Variants in CACNA1C observed in about 807,000 individuals in gnomAD.
CACNA1C encodes calcium voltage-gated channel subunit alpha1 C, also known as voltage-dependent L-type calcium channel subunit alpha-1C.
In CACNA1C, 30 loss-of-function variants were observed where a neutral mutation model predicts 229.0. That is an observed-to-expected ratio of 0.13 (90% CI 0.10 to 0.18). CACNA1C has a LOEUF of 0.18. CACNA1C is among the 10% of genes least tolerant of loss of function. The pLI is 1.00. For synonymous variants in CACNA1C, 1,114 were observed against 1,132.5 expected (o/e 0.98, Z 0.33); for missense variants, 1,658 against 2,845.0 (o/e 0.58, Z 9.49).
At chr12:2,278,428 C>A (rs777593134) in intron 3 of CACNA1C, among the ~76,000 whole-genome samples, 1 of 152,178 alleles carries the variant, frequency 6.6e-6, no homozygotes, top group Non-Finnish European at 1.5e-5. Flanking sequence ...TCCTCCCCAC[C>A]CCTGCTATCT....
At chr12:2,424,477 G>T (rs2099009669) in intron 3 of CACNA1C, among the ~76,000 whole-genome samples, 1 of 152,058 alleles carries the variant, frequency 6.6e-6, no homozygotes. Context: ...TTGGATGTTT[G>T]GTGTCTTGGC....
intron 3 of CACNA1C, among the ~76,000 whole-genome samples, chr12:2,338,596 C>G (rs1266126096): frequency 6.6e-6 from 1 of 150,856 alleles, no homozygotes; most frequent in Non-Finnish European, 1.5e-5. Flanking sequence ...AGATGCCATT[C>G]TTTTGCTCCC....
At chr12:2,357,832 A>C (rs990705264) in intron 3 of CACNA1C, among the ~76,000 whole-genome samples, 3 of 152,010 alleles carry the variant, frequency 2.0e-5, no homozygotes, top group Non-Finnish European at 4.4e-5. Flanking sequence ...TTAGCCAGGC[A>C]TGGTGGAGGG....
chr12:2,181,556 GTTTTA>G lies in CACNA1C; in HGVS notation c.477+61134_477+61138del, dbSNP rs2096841300. On this transcript the variant is annotated intron_variant, in intron 3 of 46. Coordinates refer to ENST00000399655, the MANE Select transcript of CACNA1C (RefSeq NM_000719.7). The surrounding 1 kb of genome is among the most constrained non-coding windows in gnomAD (Gnocchi z 4.0). Reference sequence around the variant, plus strand: ...CATGCCCATGAAAACAAATCCAGGTGTTTTATTTTATTCTTGTTGCCATCAGAACT... The same window carrying G: ...CATGCCCATGAAAACAAATCCAGGTGTTTTATTCTTGTTGCCATCAGAACT... Among the ~76,000 whole-genome samples, 3 of 152,274 alleles carry G rather than the reference GTTTTA, an allele frequency of 2.0e-5. No individual in the cohort carries two copies. The South Asian group carries it at 6.2e-4, about 32-fold the overall frequency.
intron 3 of CACNA1C, among the ~76,000 whole-genome samples, chr12:2,121,653 C>T (rs527677037): frequency 2.6e-5 from 4 of 152,288 alleles, no homozygotes; most frequent in East Asian, 3.9e-4. Flanking sequence ...GGCCGCCGTC[C>T]GTGAGGCCAT....
chr12:2,553,050 A>G (rs1006090701), intron 10 of CACNA1C, among the ~76,000 whole-genome samples: 12 of 152,294 alleles, frequency 7.9e-5, no homozygotes, highest in African/African-American at 2.4e-4. Context: ...GAACTTGCTC[A>G]GGAAGGAGGA....
intron 3 of CACNA1C, among the ~76,000 whole-genome samples, chr12:2,145,514 C>T (rs774804855): frequency 4.6e-5 from 7 of 151,344 alleles, no homozygotes; most frequent in Admixed American, 1.3e-4. Flanking sequence ...AGCTTCAACA[C>T]GCCTCTCATT....
At position 2,688,511 on chromosome 12, in the gene CACNA1C, G is replaced by A. The variant is rs773787202; in HGVS notation, c.5849G>A (p.Arg1950Lys). ...AGCCATTCCCCTGCCTCATTCCCTA[G>A]GCCTTTTGCCACCCCACCAGCCACA... is the stretch of plus-strand genomic sequence containing the variant. ...QRSHSPASFPRPFATPPATPG... is the reference protein window; with the variant it reads ...QRSHSPASFPKPFATPPATPG... Residue 1950 changes from arginine (R) to lysine (K), a missense_variant, in exon 46 of 47, where the codon AGG becomes AAG. By Grantham distance (26) the Arg-to-Lys change is conservative (BLOSUM62 2). Transcript: ENST00000399655. The A allele has an allele frequency of 6.2e-7, 1 of 1,613,954 alleles. No individual in the cohort carries two copies. Among genetic ancestry groups the A allele is most frequent in the East Asian group, 2.2e-5 (1 of 44,880 alleles).
intron 9 of CACNA1C, chr12:2,547,665 G>T: frequency 6.3e-6 from 4 of 637,858 alleles, no homozygotes; most frequent in Non-Finnish European, 1.2e-5. Context: ...TTGTGTGTGT[G>T]TGTGTGTTTG....
Position 2,542,618 on chromosome 12 carries a change from A to C in CACNA1C, c.1391-7325A>C, listed in dbSNP as rs1020189700. On this transcript the variant is annotated intron_variant, in intron 9 of 46. Coordinates refer to ENST00000399655, the MANE Select transcript of CACNA1C (RefSeq NM_000719.7). ...GGAAGGGCAATCTACACAATGGCTT[A>C]GCTCTAGCACTCCTCCCCTAGCACA... Among the ~76,000 whole-genome samples, 5 of 152,228 alleles carry C rather than the reference A, an allele frequency of 3.3e-5. No homozygotes were observed. The East Asian group carries it at 9.6e-4, about 29-fold the overall frequency.
chr12:2,126,120 AG>A (rs2089932521), intron 3 of CACNA1C, among the ~76,000 whole-genome samples: 1 of 150,390 alleles, frequency 6.6e-6, no homozygotes, highest in African/African-American at 2.5e-5. Context: ...TCCAGAATAG[AG>A]TTTTTTTTTT....
At chr12:2,379,366 C>T (rs2098169384) in intron 3 of CACNA1C, among the ~76,000 whole-genome samples, 1 of 152,212 alleles carries the variant, frequency 6.6e-6, no homozygotes, top group Non-Finnish European at 1.5e-5. Flanking sequence ...TCTTAAGTAA[C>T]CGTTCATATC....
At chr12:2,248,690 A>G (rs921362254) in intron 3 of CACNA1C, among the ~76,000 whole-genome samples, 6 of 152,208 alleles carry the variant, frequency 3.9e-5, no homozygotes, top group Non-Finnish European at 5.9e-5. Flanking sequence ...AACAGTGTCT[A>G]CCTTTACTCT....
rs114192338 is a variant in CACNA1C, at chr12:2,485,482, C to G, written c.758-622C>G. On this transcript the variant is annotated intron_variant, in intron 5 of 46. Transcript: ENST00000399655. ...CAAGCCCCAGACCTCACCGACAACA[C>G]CCATGTCCCCAGGCGGGCTTTTCCT... Among the ~76,000 whole-genome samples, 1,182 of 152,320 alleles carry G rather than the reference C, an allele frequency of 7.8e-3. 17 individuals are homozygous for G. Among genetic ancestry groups the G allele is most frequent in the African/African-American group, 0.027 (1,125 of 41,558 alleles).
intron 3 of CACNA1C, among the ~76,000 whole-genome samples, chr12:2,149,969 T>C (rs900171850): frequency 6.6e-6 from 1 of 152,146 alleles, no homozygotes; most frequent in Non-Finnish European, 1.5e-5. Context: ...AGGAGCCAGG[T>C]TATGATAACT....
At chr12:2,042,160 A>G (rs1036239067) in intron 1 of CACNA1C, among the ~76,000 whole-genome samples, 1 of 152,048 alleles carries the variant, frequency 6.6e-6, no homozygotes, top group African/African-American at 2.4e-5. Context: ...ACAGTCAAAG[A>G]TTTTTCATCA....
In CACNA1C at chr12:2,682,557, T is replaced by A. The variant is rs1239739330; in HGVS notation, c.5452T>A (p.Ser1818Thr). 1.9e-6 allele frequency: 3 copies of A among 1,612,158 alleles called. No individual in the cohort carries two copies. The highest frequency in any genetic ancestry group is 4.5e-5 in the East Asian group (2 of 44,838). Residue 1818 changes from serine (S) to threonine (T), a missense_variant, in exon 43 of 47, where the codon TCC becomes ACC. Around this residue, in one of 20 missense-constraint regions of CACNA1C, gnomAD observed 590 missense variants for 700.8 expected, o/e 0.84. Transcript: ENST00000399655. ...TCATCTTGGATATTGTAGGTGCCAC[T>A]CCCGGGAGAGCCAGGCAGCCATGGC... Reference protein sequence around the residue: ...AWKLSSNRCHSRESQAAMAGQ... With the variant: ...AWKLSSNRCHTRESQAAMAGQ...
intron 3 of CACNA1C, among the ~76,000 whole-genome samples, chr12:2,255,207 T>C (rs1481478757): frequency 6.6e-6 from 1 of 151,492 alleles, no homozygotes; most frequent in Non-Finnish European, 1.5e-5. Context: ...CTCCTGGTTT[T>C]ACTGAGGTAC....
rs978487162 is a variant in CACNA1C, at chr12:2,135,952, C to T, written c.477+15522C>T. On this transcript the variant is annotated intron_variant, in intron 3 of 46. Coordinates refer to ENST00000399655, the MANE Select transcript of CACNA1C (RefSeq NM_000719.7). The stretch of plus-strand genomic sequence containing the variant: ...GATCTCAGACTGCTGTGCTAGCAAT[C>T]AGCGAGACTCCGTGGGCGTAGGACC... 2.4e-4 allele frequency among the ~76,000 whole-genome samples: 36 copies of T among 149,672 alleles called. 2 individuals carry two copies. Among genetic ancestry groups the T allele is most frequent in the African/African-American group, 8.4e-4 (34 of 40,278 alleles).
Sources: allele counts gnomAD v4.1 joint callset (sites outside exome capture counted in the v4.1 genomes callset), GRCh38; gene constraint gnomAD v4.1.1; regional missense constraint gnomAD v4.1.1; non-coding constraint Gnocchi (gnomAD v3.1); transcripts MANE v1.5; gene names NCBI Gene and HGNC (gene_info 2026-07-23, HGNC 2026-07-21).